Variants in SLC52A1 observed in about 807,000 individuals in gnomAD.
SLC52A1 encodes solute carrier family 52 member 1.
SLC52A1 carries 20 observed loss-of-function variants against 23.2 expected under a neutral mutation model. That is an observed-to-expected ratio of 0.86 (90% CI 0.61 to 1.25). The LOEUF (loss-of-function observed/expected upper bound fraction) is 1.25, where lower values mean the gene tolerates loss of function less well. Among genes scored for constraint, SLC52A1 ranks in the 50% most tolerant of loss-of-function variants. The pLI, the probability that SLC52A1 is intolerant of heterozygous loss-of-function variation, is 0.00. For missense variants in SLC52A1, 528 were observed against 557.0 expected, an observed-to-expected ratio of 0.95 and a Z score of 0.52; for synonymous variants, 260 against 256.6, an observed-to-expected ratio of 1.01 and a Z score of -0.13.
chr17:5,039,894 T>C (rs974679152), upstream of SLC52A1, among the ~76,000 whole-genome samples: 1 of 152,176 alleles, frequency 6.6e-6, no homozygotes, highest in African/African-American at 2.4e-5. Flanking sequence ...GAGATCACCA[T>C]GTCCTTAGGA....
intron 1 of SLC52A1, among the ~76,000 whole-genome samples, chr17:5,041,969 C>T (rs548716064): frequency 4.6e-5 from 7 of 152,282 alleles, no homozygotes; most frequent in Admixed American, 1.3e-4. Context: ...CTTCTAGGCT[C>T]AAGCAATCCT....
chr17:5,034,653 G>A lies in SLC52A1; in HGVS notation c.-47C>T. The A allele has an allele frequency of 6.2e-7, 1 of 1,608,246 alleles. No individual in the cohort carries two copies. Among genetic ancestry groups the A allele is most frequent in the African/African-American group, 1.3e-5 (1 of 74,888 alleles). ...CAGGACAGGGCAAAGGTCACAGGCA[G>A]GTCCTTCCCTAGGTAGGTCCAAAGA... On this transcript the variant is annotated 5_prime_UTR_variant, in exon 2 of 5. Transcript: ENST00000254853.
rs775086218 is a variant in SLC52A1, at chr17:5,034,567, G to T, written c.40C>A (p.Leu14Met). The T allele has an allele frequency of 6.2e-7, 1 of 1,614,232 alleles. No homozygotes were observed. Among genetic ancestry groups the T allele is most frequent in the Non-Finnish European group, 8.5e-7 (1 of 1,180,046 alleles). Residue 14 changes from leucine to methionine, a missense_variant, in exon 2 of 5, where the codon CTG becomes ATG. Transcript: ENST00000254853. ...CCCATGCCAAAAAGGGCCACCAGCA[G>T]GTGGGTCAGCACCAGACGGCCCAGC... ...PTLGRLVLTH[L>M]LVALFGMGSW...
chr17:5,039,762 G>A (rs1466308871), upstream of SLC52A1, among the ~76,000 whole-genome samples: 4 of 152,158 alleles, frequency 2.6e-5, no homozygotes, highest in African/African-American at 9.7e-5. Flanking sequence ...ATGAGCCACC[G>A]CGCCCAGTCA....
In SLC52A1 at chr17:5,033,536, A is replaced by C; in HGVS notation, c.953T>G (p.Val318Gly). The change falls in exon 3 of 5, where the codon GTG becomes GGG. Residue 318 changes from valine (V) to glycine (G), a missense_variant. Val to Gly is a moderately radical substitution (Grantham distance 109, BLOSUM62 -3). Coordinates refer to ENST00000254853, the MANE Select transcript of SLC52A1 (RefSeq NM_017986.4). ...YGRLAYHLAV[V>G]LGSAANPLAC... Reference sequence around the variant, plus strand: ...AAGGGGGTTGGCGGCACTGCCCAGCACCACAGCCAGGTGGTAGGCCAGGCG... The same window carrying C: ...AAGGGGGTTGGCGGCACTGCCCAGCCCCACAGCCAGGTGGTAGGCCAGGCG... 1 of 1,613,832 alleles carries C rather than the reference A, an allele frequency of 6.2e-7. No homozygotes were observed. Among genetic ancestry groups the C allele is most frequent in the Non-Finnish European group, 8.5e-7 (1 of 1,179,968 alleles).
At chr17:5,035,844 C>T (rs902993650), upstream of SLC52A1, among the ~76,000 whole-genome samples, 2 of 148,688 alleles carry the variant, frequency 1.3e-5, no homozygotes, top group Admixed American at 1.3e-4. Context: ...GTAGCTGGGA[C>T]CACAGGCGAG....
Position 5,033,957 on chromosome 17 carries a change from T to G in SLC52A1, c.532A>C (p.Asn178His). The G allele has an allele frequency of 3.7e-6, 6 of 1,614,010 alleles. No individual in the cohort carries two copies. Among genetic ancestry groups the G allele is most frequent in the Non-Finnish European group, 5.1e-6 (6 of 1,179,972 alleles). Reference protein sequence around the residue: ...GRLECPPAPTNGTSGPPLDFP... With the variant: ...GRLECPPAPTHGTSGPPLDFP... ...TCGAGGGGAGGCCCAGAGGTGCCAT[T>G]GGTGGGCGCTGGTGGGCACTCGAGG... Residue 178 changes from asparagine (N) to histidine (H), a missense_variant, in exon 3 of 5, where the codon AAT becomes CAT. Transcript: ENST00000254853.
chr17:5,040,261 A>C (rs1567737498), upstream of SLC52A1, among the ~76,000 whole-genome samples: 1 of 151,698 alleles, frequency 6.6e-6, no homozygotes, highest in Admixed American at 6.6e-5. Context: ...GCAGCCTTAA[A>C]CTCCCAGGCT....
At chr17:5,033,213 T>G (rs1975358941) in intron 4 of SLC52A1, 44 bp from the exon 5 acceptor site, 20 of 1,612,730 alleles carry the variant, frequency 1.2e-5, no homozygotes, top group Non-Finnish European at 1.6e-5. Context: ...GACATGCACT[T>G]GCTCCAGGGG....
At chr17:5,039,400 C>T (rs1342179414), upstream of SLC52A1, among the ~76,000 whole-genome samples, 4 of 152,196 alleles carry the variant, frequency 2.6e-5, no homozygotes, top group Admixed American at 1.3e-4. Flanking sequence ...GTGTTGGTCA[C>T]GGTCTAACTG....
At position 5,034,054 on chromosome 17, in the gene SLC52A1, C is replaced by T. The variant is rs370325558; in HGVS notation, c.435G>A (p.Arg145=). 1.4e-5 allele frequency: 22 copies of T among 1,614,014 alleles called. No individual in the cohort carries two copies. Among genetic ancestry groups the T allele is most frequent in the Non-Finnish European group, 1.9e-5 (22 of 1,180,028 alleles). Residue 145 remains arginine (R), a synonymous_variant, in exon 3 of 5, where the codon CGG becomes CGA. Transcript: ENST00000254853. ...TGAGACCCTGACCCAGGAAGAAAGA[C>T]CGTAAGAAAGGAGGTGGCAGGTGGC... ...FLSHLPPPFL[R]SFFLGQGLSA... is the part of the protein sequence containing the mutation.
rs1567733807 is a variant in SLC52A1, at chr17:5,032,615, T to C, written c.*342A>G. The C allele has an allele frequency of 9.5e-6, 2 of 209,430 alleles. No individual in the cohort carries two copies. The highest frequency in any genetic ancestry group is 1.9e-5 in the Non-Finnish European group (2 of 104,544). The allele number at this position is 209,430 out of a possible 1,614,324, so 13.0% of individuals were successfully genotyped here. On this transcript the variant is annotated 3_prime_UTR_variant, in exon 5 of 5. Transcript: ENST00000254853. ...CACTAGATAATATATGTATGAAAAA[T>C]TATTTAATCCAGTTTCCTGATTTCA...
rs145116232 is a variant in SLC52A1, at chr17:5,035,046, A to G, written c.-293T>C. ...GCACTGGCCGGGTGCGGTGGCTCACACCTGTAATCCCAGCACTTTGGGAAG... is the reference window on the plus strand; with the variant it reads ...GCACTGGCCGGGTGCGGTGGCTCACGCCTGTAATCCCAGCACTTTGGGAAG... On this transcript the variant is annotated 5_prime_UTR_variant, in exon 1 of 5. Transcript: ENST00000254853. The G allele has an allele frequency of 3.5e-3, 641 of 180,874 alleles. 7 individuals carry two copies. Among genetic ancestry groups the G allele is most frequent in the African/African-American group, 0.014 (589 of 43,016 alleles). 11.2% of individuals were successfully genotyped at this position (180,874 alleles called of 1,614,324 possible). A position where few individuals can be genotyped will look rare whatever the true frequency, so the allele number is the denominator to read the frequency against.
intron 4 of SLC52A1, 38 bp downstream of exon 4, chr17:5,033,223 G>A (rs1404255913): frequency 1.2e-6 from 2 of 1,612,704 alleles, no homozygotes; most frequent in South Asian, 1.1e-5. Flanking sequence ...TGCTCCAGGG[G>A]ACACCCTCCT....
At chr17:5,038,391 C>G (rs937338259), upstream of SLC52A1, among the ~76,000 whole-genome samples, 3 of 150,810 alleles carry the variant, frequency 2.0e-5, no homozygotes, top group African/African-American at 7.3e-5. Flanking sequence ...GACCCTGTCT[C>G]TTAAAAAAAA....
Position 5,033,253 on chromosome 17 carries a change from T to C in SLC52A1, c.1134+8A>G, listed in dbSNP as rs1975360121. The C allele has an allele frequency of 1.2e-6, 2 of 1,613,596 alleles. No homozygotes were observed. Among genetic ancestry groups the C allele is most frequent in the East Asian group, 2.2e-5 (1 of 44,846 alleles). On this transcript the variant is annotated splice_region_variant and intron_variant, in intron 4 of 4. Coordinates refer to ENST00000254853, the MANE Select transcript of SLC52A1 (RefSeq NM_017986.4). ...CCTCCTCCCCACTTCATGTCTCCACTTGCTCACCACAAGGACCACCCCTGC... is the reference window on the plus strand; with the variant it reads ...CCTCCTCCCCACTTCATGTCTCCACCTGCTCACCACAAGGACCACCCCTGC...
chr17:5,032,719 TC>T lies in SLC52A1; in HGVS notation c.*237del, dbSNP rs1195087161. 2.1e-6 allele frequency: 1 copy of T among 465,908 alleles called. No homozygotes were observed. The highest frequency in any genetic ancestry group is 3.1e-5 in the East Asian group (1 of 32,672). 28.9% of individuals were successfully genotyped at this position (465,908 alleles called of 1,614,324 possible). ...AAATAAAAACACTTTATTGCACAAA[TC>T]CCACAAAGGTCTCAGGCCCTGGGTC... On this transcript the variant is annotated 3_prime_UTR_variant, in exon 5 of 5. Coordinates refer to ENST00000254853, the MANE Select transcript of SLC52A1 (RefSeq NM_017986.4).
intron 2 of SLC52A1, 21 bp from the exon 3 acceptor site, chr17:5,034,379 C>T (rs753310420): frequency 6.3e-7 from 1 of 1,589,002 alleles, no homozygotes. Context: ...GGAATGATGC[C>T]ATGTCAGGAG....
upstream of SLC52A1, among the ~76,000 whole-genome samples, chr17:5,036,972 C>T (rs186351919): frequency 6.6e-6 from 1 of 152,206 alleles, no homozygotes; most frequent in East Asian, 1.9e-4. Context: ...GCACATGCCA[C>T]CACGTCCAGC....
Sources: allele counts gnomAD v4.1 joint callset (sites outside exome capture counted in the v4.1 genomes callset), GRCh38; gene constraint gnomAD v4.1.1; transcripts MANE v1.5; gene names NCBI Gene and HGNC (gene_info 2026-07-23, HGNC 2026-07-21).